SNX2: variants seen among roughly 807,000 people sequenced by gnomAD.
The protein encoded by SNX2 is sorting nexin 2.
SNX2 carries 25 observed loss-of-function variants against 69.9 expected under a neutral mutation model. That is an observed-to-expected ratio of 0.36 (90% confidence interval 0.26 to 0.50). The LOEUF (loss-of-function observed/expected upper bound fraction) is 0.50, where lower values mean the gene tolerates loss of function less well. SNX2 is among the 20% of genes least tolerant of loss of function. The probability of loss-of-function intolerance (pLI) is 0.97; values close to 1 mark genes in which losing one functional copy is unlikely to be tolerated. For missense variants in SNX2, 551 were observed against 613.3 expected (o/e 0.90, Z 1.07); for synonymous variants, 229 against 200.4 (o/e 1.14, Z -1.20).
Position 122,831,774 on chromosome 5 carries a change from GTTA to G in SNX2, c.*2133_*2135del, listed in dbSNP as rs1283457207. ...GTTTACACATAGGATGGTTATTCAAGTTATTATTAAAATCTTCCATTCAGATGT... is the reference window on the plus strand; with the variant it reads ...GTTTACACATAGGATGGTTATTCAAGTTATTAAAATCTTCCATTCAGATGT... On this transcript the variant is annotated 3_prime_UTR_variant, in exon 15 of 15. Transcript: ENST00000379516. Among the ~76,000 whole-genome samples the G allele has an allele frequency of 3.3e-5, 5 of 152,250 alleles. No homozygotes were observed. The highest frequency in any genetic ancestry group is 2.1e-4 in the South Asian group (1 of 4,830).
chr5:122,782,047 C>G (rs1752989862), intron 1 of SNX2, among the ~76,000 whole-genome samples: 1 of 152,158 alleles, frequency 6.6e-6, no homozygotes, highest in Non-Finnish European at 1.5e-5. Flanking sequence ...ATCTTCTCCT[C>G]TGCAGATCTG....
intron 1 of SNX2, among the ~76,000 whole-genome samples, chr5:122,778,020 A>T (rs1752891562): frequency 6.6e-6 from 1 of 152,140 alleles, no homozygotes; most frequent in Non-Finnish European, 1.5e-5. Flanking sequence ...TCTACTTTCT[A>T]CTTCTGTTAG....
At position 122,799,780 on chromosome 5, in the gene SNX2, T is replaced by C. The variant is rs1377353643; in HGVS notation, c.315T>C (p.Pro105=). 1.2e-6 allele frequency: 2 copies of C among 1,613,562 alleles called. No individual in the cohort carries two copies. Among genetic ancestry groups the C allele is most frequent in the East Asian group, 2.2e-5 (1 of 44,868 alleles). ...EPSPAVTPVT[P]TTLIAPRIES... ...CTCCTGCAGTCACACCTGTCACTCCTACTACACTCATTGCTCCTAGAATTG... is the reference window on the plus strand; with the variant it reads ...CTCCTGCAGTCACACCTGTCACTCCCACTACACTCATTGCTCCTAGAATTG... Residue 105 remains proline (P), a synonymous_variant, in exon 3 of 15, where the codon CCT becomes CCC. Transcript: ENST00000379516.
intron 11 of SNX2, among the ~76,000 whole-genome samples, chr5:122,825,259 C>T (rs967019169): frequency 3.9e-5 from 6 of 152,052 alleles, no homozygotes; most frequent in African/African-American, 1.4e-4. Flanking sequence ...ATTTCTCTAA[C>T]ATCAAGCCAG....
chr5:122,796,516 CG>C (rs1175176969), intron 2 of SNX2, among the ~76,000 whole-genome samples: 2 of 152,126 alleles, frequency 1.3e-5, no homozygotes, highest in Non-Finnish European at 2.9e-5. Context: ...TCAAAATCAC[CG>C]TTAACCAAAG....
chr5:122,794,449 T>C (rs958880306), intron 1 of SNX2, among the ~76,000 whole-genome samples: 1 of 152,220 alleles, frequency 6.6e-6, no homozygotes, highest in Non-Finnish European at 1.5e-5. Flanking sequence ...TAGTAAGTTT[T>C]CCTCTTACAG....
intron 6 of SNX2, among the ~76,000 whole-genome samples, chr5:122,806,872 A>G (rs961703197): frequency 6.6e-6 from 1 of 152,216 alleles, no homozygotes; most frequent in African/African-American, 2.4e-5. Flanking sequence ...TAGGTGATTA[A>G]TAAGTTAATT....
At chr5:122,828,800 A>G (rs1754215227) in intron 14 of SNX2, among the ~76,000 whole-genome samples, 1 of 152,182 alleles carries the variant, frequency 6.6e-6, no homozygotes. Context: ...GACTTCAGAT[A>G]AGGAAATTAA....
intron 1 of SNX2, among the ~76,000 whole-genome samples, chr5:122,781,011 G>C (rs1870559): frequency 0.64 from 97,974 of 152,128 alleles, 32,288 homozygotes; most frequent in African/African-American, 0.78. Flanking sequence ...TGGAAAATTA[G>C]TAGAAAGAGA....
chr5:122,814,146 A>G (rs1305303616), intron 7 of SNX2, among the ~76,000 whole-genome samples: 3 of 152,158 alleles, frequency 2.0e-5, no homozygotes, highest in Admixed American at 6.6e-5. Context: ...AGTGCCTGCT[A>G]TTACCTAGCT....
chr5:122,790,067 C>A (rs1028091492), intron 1 of SNX2, among the ~76,000 whole-genome samples: 2 of 152,186 alleles, frequency 1.3e-5, no homozygotes, highest in African/African-American at 4.8e-5. Context: ...GTCTCTCATA[C>A]AATTGTAGTC....
At chr5:122,806,015 C>T (rs1203271114) in intron 6 of SNX2, among the ~76,000 whole-genome samples, 1 of 151,860 alleles carries the variant, frequency 6.6e-6, no homozygotes, top group East Asian at 1.9e-4. Context: ...CTCCTGAGCT[C>T]ATGATTCGCC....
rs1754363398 is a variant in SNX2 at position 122,834,387 on chromosome 5, CTG to C, written c.*4740_*4741del. 6.6e-6 allele frequency: 1 copy of C among 152,144 alleles called. No homozygotes were observed. The highest frequency in any genetic ancestry group is 2.1e-4 in the South Asian group (1 of 4,830). The allele number at this position is 152,144 out of a possible 1,614,324, so 9.4% of individuals were successfully genotyped here. A position where few individuals can be genotyped will look rare whatever the true frequency, so the allele number is the denominator to read the frequency against. ...ACTGGGCAAAATGGAAACTTTGTAA[CTG>C]AAGCCAGTCAAGGTGAATACACAGA... On this transcript the variant is annotated 3_prime_UTR_variant, in exon 15 of 15. Transcript: ENST00000379516.
intron 12 of SNX2, 118 bp from the exon 13 acceptor site, chr5:122,827,261 T>C: frequency 1.3e-6 from 1 of 746,102 alleles, no homozygotes; most frequent in East Asian, 2.7e-5. Flanking sequence ...AAATTGTGCA[T>C]TGCCAATATT....
At chr5:122,818,618 G>A (rs186988258) in intron 10 of SNX2, among the ~76,000 whole-genome samples, 200 bp from the exon 11 acceptor site, 2 of 152,202 alleles carry the variant, frequency 1.3e-5, no homozygotes, top group South Asian at 2.1e-4. Flanking sequence ...TGATTTGTCT[G>A]TGTTTTCAGT....
intron 2 of SNX2, among the ~76,000 whole-genome samples, chr5:122,798,024 ATC>A (rs368233572): frequency 6.6e-5 from 10 of 152,298 alleles, no homozygotes; most frequent in Non-Finnish European, 1.2e-4. Context: ...TAAAGTTACT[ATC>A]TCTCACAATA....
At chr5:122,826,279 C>G in intron 12 of SNX2, 86 bp downstream of exon 12, 1 of 1,147,478 alleles carries the variant, frequency 8.7e-7, no homozygotes, top group African/African-American at 1.6e-5. Context: ...TTTTGTAAAC[C>G]ATTCAACACG....
At chr5:122,775,067 C>G, upstream of SNX2, 2 of 1,552,576 alleles carry the variant, frequency 1.3e-6, no homozygotes, top group Non-Finnish European at 1.7e-6. Context: ...GACGGGTCCG[C>G]GAGGCCCAGC....
intron 11 of SNX2, among the ~76,000 whole-genome samples, 159 bp downstream of exon 11, chr5:122,819,182 G>A (rs1468869414): frequency 6.6e-6 from 1 of 152,112 alleles, no homozygotes; most frequent in African/African-American, 2.4e-5. Flanking sequence ...TCTTCCCTAT[G>A]ACTTGCACAG....
Sources: allele counts gnomAD v4.1 joint callset (sites outside exome capture counted in the v4.1 genomes callset), GRCh38; gene constraint gnomAD v4.1.1; transcripts MANE v1.5; gene names NCBI Gene and HGNC (gene_info 2026-07-23, HGNC 2026-07-21).